The following NLGN4X variants were observed in gnomAD, a reference collection of about 807,000 sequenced individuals.
NLGN4X encodes the protein neuroligin 4 X-linked.
NLGN4X carries 3 observed loss-of-function variants against 40.3 expected under a neutral mutation model. That is an observed-to-expected ratio of 0.07 (90% CI 0.03 to 0.19). The LOEUF (loss-of-function observed/expected upper bound fraction) is 0.19, where lower values mean the gene tolerates loss of function less well. NLGN4X is among the 10% of genes least tolerant of loss of function. The probability of loss-of-function intolerance (pLI) is 1.00; values close to 1 mark genes in which losing one functional copy is unlikely to be tolerated. For missense variants in NLGN4X, 382 were observed against 708.3 expected (o/e 0.54, Z 5.23); for synonymous variants, 270 against 306.8 (o/e 0.88, Z 1.25).
At chrX:6,032,731 G>A (rs774170669) in intron 2 of NLGN4X, 7 of 1,187,482 alleles carry the variant, frequency 5.9e-6, no homozygotes, top group Admixed American at 2.2e-5. Context: ...TATCATCTGC[G>A]TTTTTCTTTG....
chrX:6,207,027 T>TTCTCTCTCTC (rs111244462), intron 1 of NLGN4X, among the ~76,000 whole-genome samples: 2 of 107,487 alleles, frequency 1.9e-5, no homozygotes, highest in African/African-American at 3.4e-5. Flanking sequence ...TTGCACTAGA[T>TTCTCTCTCTC]TCTCTCTCTC....
intron 2 of NLGN4X, among the ~76,000 whole-genome samples, chrX:6,092,134 A>C (rs1443161205): frequency 1.8e-5 from 2 of 110,740 alleles, no homozygotes; most frequent in Non-Finnish European, 3.8e-5. Context: ...GAACAAAACA[A>C]TTACCTCCTG....
intron 1 of NLGN4X, among the ~76,000 whole-genome samples, chrX:6,202,543 G>T (rs1423013053): frequency 1.8e-5 from 2 of 109,141 alleles, no homozygotes; most frequent in Non-Finnish European, 3.8e-5. Flanking sequence ...TCACCATGTT[G>T]CCCCGGCTGG....
In NLGN4X at chrX:6,121,579, C is replaced by T. The variant is rs182410344; in HGVS notation, c.472+29416G>A. On this transcript the variant is annotated intron_variant, in intron 2 of 5. Transcript: ENST00000381095. ...AGAAGTAATTCCTTTGTGTGTGTGT[C>T]TGTGTGTTTTCAGACATCTGGCAAA... Among the ~76,000 whole-genome samples, 202 of 112,296 alleles carry T rather than the reference C, an allele frequency of 1.8e-3. 2 individuals carry two copies. The highest frequency in any genetic ancestry group is 6.2e-3 in the African/African-American group (192 of 30,936).
chrX:6,174,455 C>T (rs1308555059), intron 1 of NLGN4X, among the ~76,000 whole-genome samples: 1 of 111,724 alleles, frequency 9.0e-6, no homozygotes, highest in Non-Finnish European at 1.9e-5. Context: ...GAAAATAAAT[C>T]GTTCTACAAA....
chrX:6,126,097 G>C (rs749452101), intron 2 of NLGN4X, among the ~76,000 whole-genome samples: 1 of 111,015 alleles, frequency 9.0e-6, no homozygotes, highest in Admixed American at 9.6e-5. Context: ...CATATAACCA[G>C]CTGTAGAAAT....
chrX:6,094,106 T>A (rs1299181726), intron 2 of NLGN4X, among the ~76,000 whole-genome samples: 1 of 111,450 alleles, frequency 9.0e-6, no homozygotes, highest in Admixed American at 9.6e-5. Context: ...TATTAGAACG[T>A]CACACAAATC....
At chrX:6,010,513 T>TTTTTTATTATTATTATTATTATTA (rs375723769) in intron 3 of NLGN4X, among the ~76,000 whole-genome samples, 31 of 95,389 alleles carry the variant, frequency 3.2e-4, no homozygotes, top group East Asian at 1.7e-3. Flanking sequence ...TTCTTTTTAT[T>TTTTTTATTATTATTATTATTATTA]TTATTATTAT....
chrX:6,021,514 T>A (rs2036557549), intron 3 of NLGN4X, among the ~76,000 whole-genome samples: 2 of 110,618 alleles, frequency 1.8e-5, no homozygotes, highest in Non-Finnish European at 3.8e-5. Flanking sequence ...GTGGGCATTT[T>A]GAGCCACTAG....
chrX:6,111,378 G>C (rs982049948), intron 2 of NLGN4X, among the ~76,000 whole-genome samples: 14 of 111,176 alleles, frequency 1.3e-4, no homozygotes, highest in African/African-American at 3.9e-4. Context: ...TTGGGGGAAT[G>C]GGCCCTCACT....
chrX:5,968,460 TG>T (rs2034907272), intron 3 of NLGN4X, among the ~76,000 whole-genome samples: 1 of 11,763 alleles, frequency 8.5e-5, no homozygotes, highest in Non-Finnish European at 2.1e-4. Flanking sequence ...TCTCTCTCTG[TG>T]TGTGTGTGTG....
At chrX:5,978,236 G>C (rs1316605748) in intron 3 of NLGN4X, among the ~76,000 whole-genome samples, 6 of 111,569 alleles carry the variant, frequency 5.4e-5, no homozygotes, top group Non-Finnish European at 1.1e-4. Flanking sequence ...AACTAAAGCT[G>C]CTTCCAACTG....
At chrX:6,204,772 G>A (rs896764332) in intron 1 of NLGN4X, among the ~76,000 whole-genome samples, 1 of 111,671 alleles carries the variant, frequency 9.0e-6, no homozygotes, top group Non-Finnish European at 1.9e-5. Context: ...AGGACACTCT[G>A]ATGCTTATGT....
chrX:6,082,931 A>G (rs1480592563), intron 2 of NLGN4X, among the ~76,000 whole-genome samples: 2 of 103,097 alleles, frequency 1.9e-5, no homozygotes, highest in African/African-American at 7.2e-5. Flanking sequence ...GTAAAAAAAG[A>G]GATTTTGCCA....
At chrX:6,159,144 ATAATAG>A (rs2040333522) in intron 1 of NLGN4X, among the ~76,000 whole-genome samples, 1 of 112,147 alleles carries the variant, frequency 8.9e-6, no homozygotes, top group African/African-American at 3.2e-5. Flanking sequence ...TTTTATTTAC[ATAATAG>A]TAAAACTAAA....
intron 2 of NLGN4X, among the ~76,000 whole-genome samples, chrX:6,120,816 G>A (rs997020947): frequency 3.6e-5 from 4 of 112,005 alleles, no homozygotes; most frequent in Admixed American, 2.9e-4. Context: ...AGGTTGCCCA[G>A]GGAGAAGAAA....
chrX:6,207,027 T>TTCTC (rs111244462), intron 1 of NLGN4X, among the ~76,000 whole-genome samples: 138 of 107,485 alleles, frequency 1.3e-3, no homozygotes, highest in Middle Eastern at 4.8e-3. Context: ...TTGCACTAGA[T>TTCTC]TCTCTCTCTC....
chrX:6,200,620 C>T (rs1254187593), intron 1 of NLGN4X, among the ~76,000 whole-genome samples: 5 of 108,680 alleles, frequency 4.6e-5, no homozygotes, highest in Non-Finnish European at 9.5e-5. Context: ...ATGTCAAGGC[C>T]GCCTTCAACA....
At chrX:6,021,208 C>T (rs2036546084) in intron 3 of NLGN4X, among the ~76,000 whole-genome samples, 1 of 107,548 alleles carries the variant, frequency 9.3e-6, no homozygotes, top group Non-Finnish European at 1.9e-5. Context: ...TCCCACAGTG[C>T]TGGGATTACA....
Sources: allele counts gnomAD v4.1 joint callset (sites outside exome capture counted in the v4.1 genomes callset), GRCh38; gene constraint gnomAD v4.1.1; transcripts MANE v1.5; gene names NCBI Gene and HGNC (gene_info 2026-07-23, HGNC 2026-07-21).